The following KLF12 variants were observed in gnomAD, a reference collection of about 807,000 sequenced individuals.
KLF12 encodes Krueppel-like factor 12.
Under a neutral mutation model 37.8 loss-of-function variants are expected in KLF12, and 9 were observed. That is an observed-to-expected ratio of 0.24 (90% CI 0.14 to 0.42). The LOEUF (loss-of-function observed/expected upper bound fraction) is 0.42, where lower values mean the gene tolerates loss of function less well. Ranked by LOEUF, KLF12 falls within the 10% of genes least tolerant of loss-of-function variation. The pLI is 1.00. For missense variants in KLF12, 411 were observed against 516.0 expected, an observed-to-expected ratio of 0.80 and a Z score of 1.97; for synonymous variants, 208 against 202.1, an observed-to-expected ratio of 1.03 and a Z score of -0.25.
At chr13:74,042,947 A>G (rs555224072) in intron 1 of KLF12, among the ~76,000 whole-genome samples, 4 of 152,330 alleles carry the variant, frequency 2.6e-5, no homozygotes, top group African/African-American at 9.6e-5. Flanking sequence ...GGAAATAGGA[A>G]TAAGGATTCA....
At chr13:74,134,311 G>A (rs917908858), upstream of KLF12, among the ~76,000 whole-genome samples, 9 of 152,004 alleles carry the variant, frequency 5.9e-5, no homozygotes, top group Non-Finnish European at 1.2e-4. Context: ...GCGGCGGGGA[G>A]GGGCTCGCTC....
chr13:73,965,842 T>C (rs1891157092), intron 2 of KLF12, among the ~76,000 whole-genome samples: 1 of 152,238 alleles, frequency 6.6e-6, no homozygotes, highest in South Asian at 2.1e-4. Context: ...GACAATTTTA[T>C]ACCAATGAGC....
intron 4 of KLF12, among the ~76,000 whole-genome samples, 197 bp from the exon 5 acceptor site, chr13:73,813,484 A>C (rs927619086): frequency 1.3e-5 from 2 of 152,164 alleles, no homozygotes; most frequent in Non-Finnish European, 1.5e-5. Flanking sequence ...GGAGTTACAA[A>C]ACCTAAACCA....
the KLF12 span, among the ~76,000 whole-genome samples, chr13:74,197,802 T>G: frequency 6.6e-6 from 1 of 152,178 alleles, no homozygotes; most frequent in Admixed American, 6.6e-5. Context: ...ATTTTCATAT[T>G]CTGTAAATTT....
intron 1 of KLF12, among the ~76,000 whole-genome samples, chr13:74,091,483 C>T (rs985073836): frequency 1.6e-4 from 25 of 152,118 alleles, no homozygotes; most frequent in African/African-American, 5.6e-4. Context: ...TGTAAGTTTC[C>T]TCTATGTCTT....
At chr13:73,789,707 C>G (rs556414318) in intron 5 of KLF12, among the ~76,000 whole-genome samples, 2 of 150,372 alleles carry the variant, frequency 1.3e-5, no homozygotes, top group East Asian at 3.9e-4. Context: ...GACAGAGTCT[C>G]GCTCTGTCGC....
the KLF12 span, among the ~76,000 whole-genome samples, chr13:74,239,734 G>T: frequency 6.6e-6 from 1 of 150,756 alleles, no homozygotes. Context: ...TTGGTTTAAA[G>T]TCTGTTTTAT....
intron 6 of KLF12, among the ~76,000 whole-genome samples, chr13:73,750,848 T>TA (rs780945695): frequency 1.3e-5 from 2 of 152,176 alleles, no homozygotes; most frequent in Non-Finnish European, 2.9e-5. Context: ...TTGGGAAATG[T>TA]AACAAGTTCA....
intron 2 of KLF12, among the ~76,000 whole-genome samples, chr13:73,947,787 C>T (rs904063590): frequency 1.3e-5 from 2 of 151,784 alleles, no homozygotes; most frequent in Non-Finnish European, 2.9e-5. Flanking sequence ...AGCAAGGAAA[C>T]GGACTGATCT....
intron 1 of KLF12, among the ~76,000 whole-genome samples, chr13:74,093,035 G>C (rs1875770749): frequency 6.6e-6 from 1 of 152,212 alleles, no homozygotes; most frequent in Admixed American, 6.5e-5. Context: ...GTGGATCAGA[G>C]AGACAGAAAG....
intron 2 of KLF12, among the ~76,000 whole-genome samples, chr13:73,980,278 C>T (rs1891657362): frequency 6.6e-6 from 1 of 152,116 alleles, no homozygotes; most frequent in African/African-American, 2.4e-5. Flanking sequence ...GCCACTCATC[C>T]CAGATAAATG....
chr13:74,037,156 T>C (rs890817644), intron 1 of KLF12, among the ~76,000 whole-genome samples: 1 of 135,740 alleles, frequency 7.4e-6, no homozygotes, highest in African/African-American at 2.9e-5. Flanking sequence ...TGAGCCGAGA[T>C]CACGCCATTG....
At chr13:73,732,514 A>C (rs891120745) in intron 6 of KLF12, among the ~76,000 whole-genome samples, 6 of 152,150 alleles carry the variant, frequency 3.9e-5, no homozygotes, top group Non-Finnish European at 5.9e-5. Flanking sequence ...CAAGCACCTG[A>C]AACAGTGGCT....
chr13:74,211,631 G>A, the KLF12 span, among the ~76,000 whole-genome samples: 276 of 152,252 alleles, frequency 1.8e-3, 1 homozygote, highest in Middle Eastern at 3.4e-3. Flanking sequence ...CTTCCATGAG[G>A]AGCCATTGAA....
chr13:74,207,557 T>C, the KLF12 span, among the ~76,000 whole-genome samples: 1 of 152,130 alleles, frequency 6.6e-6, no homozygotes, highest in Admixed American at 6.5e-5. Flanking sequence ...ATGCCTGTAA[T>C]CCCAGCTACT....
intron 1 of KLF12, among the ~76,000 whole-genome samples, chr13:74,091,153 C>T (rs1593892006): frequency 6.6e-6 from 1 of 152,220 alleles, no homozygotes; most frequent in East Asian, 1.9e-4. Context: ...ACAAATGGAG[C>T]TCAGATAACT....
chr13:74,144,203 C>T, the KLF12 span, among the ~76,000 whole-genome samples: 1 of 152,292 alleles, frequency 6.6e-6, no homozygotes, highest in African/African-American at 2.4e-5. Context: ...GAACGTGAGG[C>T]ATCTGATGCT....
chr13:73,704,998 TATA>T (rs1235693692), intron 7 of KLF12, among the ~76,000 whole-genome samples: 1 of 152,270 alleles, frequency 6.6e-6, no homozygotes, highest in East Asian at 1.9e-4. Flanking sequence ...CTATCTATTC[TATA>T]ATGTTTTCTT....
chr13:74,210,824 G>A, the KLF12 span, among the ~76,000 whole-genome samples: 1 of 152,122 alleles, frequency 6.6e-6, no homozygotes. Context: ...GTGTTCTCTT[G>A]GGATCTTGCT....
Sources: gnomAD v4.1 joint callset for allele counts (sites outside exome capture counted in the v4.1 genomes callset) on GRCh38, gnomAD v4.1.1 for gene constraint, MANE v1.5 for transcripts, NCBI Gene and HGNC (gene_info 2026-07-23, HGNC 2026-07-21) for gene names.